Variants in SPTBN2 observed in about 807,000 individuals in gnomAD.
SPTBN2 encodes the protein spectrin beta, non-erythrocytic 2.
A neutral mutation model predicts 284.2 loss-of-function variants in SPTBN2; 107 were observed. The observed-to-expected ratio is 0.38, with a 90% CI of 0.32 to 0.44. The LOEUF is 0.44. Among genes scored for constraint, SPTBN2 ranks in the 20% least tolerant of loss-of-function variants. The pLI is 1.00. For synonymous variants in SPTBN2, 1,289 were observed against 1,354.8 expected (o/e 0.95, Z 1.07); for missense variants, 2,569 against 3,287.1 (o/e 0.78, Z 5.34).
chr11:66,725,444 G>A (rs1031059408), intron 1 of SPTBN2, among the ~76,000 whole-genome samples: 4 of 152,084 alleles, frequency 2.6e-5, no homozygotes, highest in Admixed American at 6.5e-5. Context: ...CATATCCAGC[G>A]CTGGTTTCTT....
chr11:66,692,430 G>T, intron 26 of SPTBN2, 106 bp downstream of exon 26: 1 of 1,368,554 alleles, frequency 7.3e-7, no homozygotes, highest in Non-Finnish European at 1.0e-6. Flanking sequence ...GCCTGGTCTT[G>T]CCCCTTAGCC....
At chr11:66,742,345 C>T (rs181347214) in intron 1 of SPTBN2, among the ~76,000 whole-genome samples, 4 of 152,244 alleles carry the variant, frequency 2.6e-5, no homozygotes, top group Admixed American at 6.5e-5. Flanking sequence ...ACCCTCATAT[C>T]GAAGGCTTCC....
In SPTBN2 at chr11:66,710,143, G is replaced by A. The variant is rs1260817464; in HGVS notation, c.1073+439C>T. On this transcript the variant is annotated intron_variant, in intron 10 of 37. Transcript: ENST00000533211. The surrounding 1 kb of genome is among the most constrained non-coding windows in gnomAD (Gnocchi z 4.9). ...CTGCAACCTCTGTCTCCCGGGTTCA[G>A]GTGGTTCTCCTGCCTCAGCCTCCCG... Among the ~76,000 whole-genome samples, 2 of 152,188 alleles carry A rather than the reference G, an allele frequency of 1.3e-5. No individual in the cohort carries two copies. Among genetic ancestry groups the A allele is most frequent in the Admixed American group, 6.5e-5 (1 of 15,284 alleles).
At chr11:66,732,424 C>CG (rs1942819701), upstream of SPTBN2, among the ~76,000 whole-genome samples, 1 of 151,748 alleles carries the variant, frequency 6.6e-6, no homozygotes, top group Non-Finnish European at 1.5e-5. Context: ...CCAAAGTAAG[C>CG]GGATCACAAG....
At position 66,696,307 on chromosome 11, in the gene SPTBN2, G is replaced by C; in HGVS notation, c.4248C>G (p.Thr1416=). Residue 1416 remains threonine (T), a synonymous_variant, in exon 21 of 38, where the codon ACC becomes ACG. Transcript: ENST00000533211. Reference sequence around the variant, plus strand: ...GCTTCTTGAGCAGGATGTTGACGCTGGTGAGGTCCTTGCCGTAGTCATCCG... The same window carrying C: ...GCTTCTTGAGCAGGATGTTGACGCTCGTGAGGTCCTTGCCGTAGTCATCCG... The part of the protein sequence containing the change: ...LHSDDYGKDL[T]SVNILLKKQQ... 1 of 1,612,890 alleles carries C rather than the reference G, an allele frequency of 6.2e-7. No homozygotes were observed. The highest frequency in any genetic ancestry group is 1.1e-5 in the South Asian group (1 of 91,086).
chr11:66,701,604 G>A lies in SPTBN2; in HGVS notation c.2796C>T (p.Thr932=). ...CCCACCTGTGGTTGAGCTGCTCCTG[G>A]GTGTTGACAATGCGGTCTTTGCCTG... ...NPPGKDRIVN[T]QEQLNHRWQQ... The change falls in exon 16 of 38, where the codon ACC becomes ACT. Residue 932 remains threonine, a synonymous_variant. Transcript: ENST00000533211. 6.2e-7 allele frequency: 1 copy of A among 1,614,054 alleles called. No homozygotes were observed. The highest frequency in any genetic ancestry group is 8.5e-7 in the Non-Finnish European group (1 of 1,180,024).
In SPTBN2 at chr11:66,707,919, A is replaced by G; in HGVS notation, c.1351-101T>C. 6.7e-7 allele frequency: 1 copy of G among 1,487,462 alleles called. No homozygotes were observed. Among genetic ancestry groups the G allele is most frequent in the Non-Finnish European group, 9.1e-7 (1 of 1,097,134 alleles). The allele number at this position is 1,487,462 out of a possible 1,614,324, so 92.1% of individuals were successfully genotyped here. A position where few individuals can be genotyped will look rare whatever the true frequency, so the allele number is the denominator to read the frequency against. Reference sequence around the variant, plus strand: ...ACTTGGCCTGCAAGATCCCAGCTCCATGCGGTGGCTCTAAGTTCCCTCTCT... The same window carrying G: ...ACTTGGCCTGCAAGATCCCAGCTCCGTGCGGTGGCTCTAAGTTCCCTCTCT... On this transcript the variant is annotated intron_variant, in intron 12 of 37. Transcript: ENST00000533211. This position sits in a 1 kb window ranked among gnomAD's most constrained non-coding sequence, Gnocchi z 4.9.
chr11:66,693,157 CATACACTGGG>C lies in SPTBN2; in HGVS notation c.4854+19_4854+28del, dbSNP rs1205070779. On this transcript the variant is annotated intron_variant, in intron 24 of 37. Transcript: ENST00000533211. The surrounding 1 kb of genome is among the most constrained non-coding windows in gnomAD (Gnocchi z 5.7). Reference sequence around the variant, plus strand: ...GGTCAGGGGAGGGCAGAACTGGTCACATACACTGGGCTCTGTCCTGGCCCTCACCTTGGCC... The same window carrying C: ...GGTCAGGGGAGGGCAGAACTGGTCACCTCTGTCCTGGCCCTCACCTTGGCC... 6.2e-7 allele frequency: 1 copy of C among 1,614,114 alleles called. No individual in the cohort carries two copies. The highest frequency in any genetic ancestry group is 8.5e-7 in the Non-Finnish European group (1 of 1,180,048).
chr11:66,686,368 G>A (rs752967759), intron 37 of SPTBN2, 30 bp downstream of exon 37: 82 of 1,613,724 alleles, frequency 5.1e-5, no homozygotes, highest in South Asian at 2.4e-4. Context: ...GGAATGGCAC[G>A]GACAGAGAGG....
intron 26 of SPTBN2, 51 bp downstream of exon 26, chr11:66,692,485 C>CCGA: frequency 6.3e-7 from 1 of 1,592,852 alleles, no homozygotes; most frequent in Non-Finnish European, 8.5e-7. Flanking sequence ...CCCTGTGGGT[C>CCGA]CTCCACTCTT....
intron 1 of SPTBN2, among the ~76,000 whole-genome samples, chr11:66,726,980 A>G (rs547467853): frequency 3.9e-5 from 6 of 152,320 alleles, no homozygotes; most frequent in East Asian, 3.9e-4. Flanking sequence ...TTCCTGATCA[A>G]TTCCCTCGGA....
In SPTBN2 at chr11:66,705,281, G is replaced by C; in HGVS notation, c.1995C>G (p.Ala665=). The change falls in exon 15 of 38, where the codon GCC becomes GCG. Residue 665 remains alanine, a synonymous_variant. Coordinates refer to ENST00000533211, the MANE Select transcript of SPTBN2 (RefSeq NM_006946.4). ...TCAGGTCTCGGCCCGTGTCGGCTGAGGCCAGGAGGTGCTGCTGCTCCCGCA... is the reference window on the plus strand; with the variant it reads ...TCAGGTCTCGGCCCGTGTCGGCTGACGCCAGGAGGTGCTGCTGCTCCCGCA... The part of the protein sequence containing the change: ...AWVREQQHLL[A]SADTGRDLTG... The C allele has an allele frequency of 6.3e-7, 1 of 1,599,054 alleles. No individual in the cohort carries two copies. The highest frequency in any genetic ancestry group is 8.5e-7 in the Non-Finnish European group (1 of 1,177,356).
chr11:66,709,252 G>A (rs913864673), intron 10 of SPTBN2, among the ~76,000 whole-genome samples: 5 of 152,048 alleles, frequency 3.3e-5, no homozygotes, highest in African/African-American at 7.3e-5. Flanking sequence ...ATCTGGGTTC[G>A]CTGCAACCTC....
intron 27 of SPTBN2, among the ~76,000 whole-genome samples, chr11:66,690,887 A>G (rs1449660829): frequency 1.3e-5 from 2 of 152,102 alleles, no homozygotes; most frequent in Non-Finnish European, 1.5e-5. Context: ...GAGGGATCTC[A>G]GCTCACTGCA....
At chr11:66,728,337 C>CGGCGGCGGGGCGCGT (rs1942714016) in intron 1 of SPTBN2, 1 of 144,920 alleles carries the variant, frequency 6.9e-6, no homozygotes, top group African/African-American at 2.5e-5. Context: ...GCGGGGCGGG[C>CGGCGGCGGGGCGCGT]GGCGGCGGGG....
Position 66,688,766 on chromosome 11 carries a change from C to T in SPTBN2, c.6118G>A (p.Glu2040Lys). ...ACTTCGTCGACCGTGCAACCCAGCTCAGCGCTGCGCACCAGTGGCTCCTGG... is the reference window on the plus strand; with the variant it reads ...ACTTCGTCGACCGTGCAACCCAGCTTAGCGCTGCGCACCAGTGGCTCCTGG... ...CSQEPLVRSAELGCTVDEVES... is the reference protein window; with the variant it reads ...CSQEPLVRSAKLGCTVDEVES... Residue 2040 changes from glutamate to lysine, a missense_variant, in exon 31 of 38, where the codon GAG becomes AAG. Around this residue, in one of 6 missense-constraint regions of SPTBN2, gnomAD observed 1,130 missense variants for 1,317.3 expected, o/e 0.86. Coordinates refer to ENST00000533211, the MANE Select transcript of SPTBN2 (RefSeq NM_006946.4). The T allele has an allele frequency of 6.2e-7, 1 of 1,613,376 alleles. No homozygotes were observed. Among genetic ancestry groups the T allele is most frequent in the Non-Finnish European group, 8.5e-7 (1 of 1,180,048 alleles).
Position 66,693,134 on chromosome 11 carries a change from T to C in SPTBN2, c.4855-34A>G. On this transcript the variant is annotated intron_variant, in intron 24 of 37. Coordinates refer to ENST00000533211, the MANE Select transcript of SPTBN2 (RefSeq NM_006946.4). This position sits in a 1 kb window ranked among gnomAD's most constrained non-coding sequence, Gnocchi z 5.7. ...AGGGACAGTGGCATCCAGCATCAGG[T>C]CAGGGGAGGGCAGAACTGGTCACAT... is the stretch of plus-strand genomic sequence containing the variant. 6.2e-7 allele frequency: 1 copy of C among 1,614,216 alleles called. No homozygotes were observed. Among genetic ancestry groups the C allele is most frequent in the Non-Finnish European group, 8.5e-7 (1 of 1,180,038 alleles).
At chr11:66,738,328 G>A (rs1339835952) in intron 1 of SPTBN2, among the ~76,000 whole-genome samples, 2 of 151,996 alleles carry the variant, frequency 1.3e-5, no homozygotes, top group East Asian at 3.8e-4. Context: ...CCTATTTTAG[G>A]TATGGAAAAC....
chr11:66,683,992 A>G lies in SPTBN2; in HGVS notation c.*1879T>C, dbSNP rs1939946739. Among the ~76,000 whole-genome samples, 1 of 152,326 alleles carries G rather than the reference A, an allele frequency of 6.6e-6. No homozygotes were observed. Among genetic ancestry groups the G allele is most frequent in the African/African-American group, 2.4e-5 (1 of 41,570 alleles). On this transcript the variant is annotated 3_prime_UTR_variant, in exon 38 of 38. Transcript: ENST00000533211. ...CTGTTGGCTGTGGAACAGTAAATCTACCCATCTTAAGGGGGAAATTATCCT... is the reference window on the plus strand; with the variant it reads ...CTGTTGGCTGTGGAACAGTAAATCTGCCCATCTTAAGGGGGAAATTATCCT...
Sources: allele counts gnomAD v4.1 joint callset (sites outside exome capture counted in the v4.1 genomes callset), GRCh38; gene constraint gnomAD v4.1.1; regional missense constraint gnomAD v4.1.1; non-coding constraint Gnocchi (gnomAD v3.1); transcripts MANE v1.5; gene names NCBI Gene and HGNC (gene_info 2026-07-23, HGNC 2026-07-21).